RAB23: variants seen among roughly 807,000 people sequenced by gnomAD.
RAB23 encodes RAB23, member RAS oncogene family.
Under a neutral mutation model 30.0 loss-of-function variants are expected in RAB23, and 15 were observed. That is an observed-to-expected ratio of 0.50 (90% CI 0.33 to 0.77). The LOEUF is 0.77. Among genes scored for constraint, RAB23 ranks in the 30% least tolerant of loss-of-function variants. The probability of loss-of-function intolerance (pLI) is 0.02; values close to 1 mark genes in which losing one functional copy is unlikely to be tolerated. For missense variants in RAB23, 243 were observed against 275.4 expected (o/e 0.88, Z 0.83); for synonymous variants, 93 against 94.0 (o/e 0.99, Z 0.06).
In RAB23 at chr6:57,189,017, T is replaced by A. The variant is rs1312115110; in HGVS notation, c.*1444A>T. The A allele has an allele frequency of 6.6e-6, 1 of 152,190 alleles. No individual in the cohort carries two copies. Among genetic ancestry groups the A allele is most frequent in the East Asian group, 1.9e-4 (1 of 5,202 alleles). The allele number at this position is 152,190 out of a possible 1,614,324, so 9.4% of individuals were successfully genotyped here. A position where few individuals can be genotyped will look rare whatever the true frequency, so the allele number is the denominator to read the frequency against. Reference sequence around the variant, plus strand: ...TTCCAATAAAAGTTATTTTTACAGATTTTGCAATGCTGTAAAAACCAGGTA... The same window carrying A: ...TTCCAATAAAAGTTATTTTTACAGAATTTGCAATGCTGTAAAAACCAGGTA... On this transcript the variant is annotated 3_prime_UTR_variant, in exon 7 of 7. Transcript: ENST00000468148.
At chr6:57,190,832 T>C (rs1315218896) in intron 6 of RAB23, among the ~76,000 whole-genome samples, 1 of 152,134 alleles carries the variant, frequency 6.6e-6, no homozygotes, top group Admixed American at 6.5e-5. Context: ...CATAACTCTT[T>C]TCATCTTTAA....
intron 1 of RAB23, among the ~76,000 whole-genome samples, chr6:57,220,736 G>GT (rs892486960): frequency 7.2e-5 from 11 of 151,880 alleles, no homozygotes; most frequent in African/African-American, 2.7e-4. Context: ...ATCACATTAG[G>GT]TTTTTTTTCT....
chr6:57,190,741 A>T (rs1466593704), intron 6 of RAB23, 141 bp from the exon 7 acceptor site: 1 of 1,104,676 alleles, frequency 9.1e-7, no homozygotes, highest in Non-Finnish European at 1.4e-6. Context: ...AAAATTTAGC[A>T]TCTTAACCAT....
At chr6:57,217,623 T>C (rs1041992016) in intron 1 of RAB23, among the ~76,000 whole-genome samples, 7 of 152,116 alleles carry the variant, frequency 4.6e-5, no homozygotes, top group African/African-American at 7.2e-5. Flanking sequence ...TACGAAAATT[T>C]AGAGCGCTAA....
At chr6:57,206,683 A>G (rs1765466703) in intron 3 of RAB23, among the ~76,000 whole-genome samples, 1 of 152,186 alleles carries the variant, frequency 6.6e-6, no homozygotes, top group Non-Finnish European at 1.5e-5. Flanking sequence ...ACCTCTGCCG[A>G]ACAGCCTTTA....
At chr6:57,217,898 A>C (rs1282458290) in intron 1 of RAB23, among the ~76,000 whole-genome samples, 1 of 152,180 alleles carries the variant, frequency 6.6e-6, no homozygotes, top group Non-Finnish European at 1.5e-5. Context: ...CGGGAATAAA[A>C]TAGGGGATAG....
chr6:57,196,384 C>T, intron 4 of RAB23, 66 bp downstream of exon 4: 2 of 1,584,442 alleles, frequency 1.3e-6, no homozygotes, highest in Non-Finnish European at 1.7e-6. Flanking sequence ...TAAAACTATG[C>T]AAAAATTAAG....
intron 1 of RAB23, 89 bp from the exon 2 acceptor site, chr6:57,210,534 G>T: frequency 1.2e-6 from 1 of 836,320 alleles, no homozygotes; most frequent in Non-Finnish European, 1.9e-6. Flanking sequence ...ACATTGCATT[G>T]CAAGGATGTG....
At chr6:57,219,780 C>A (rs759089527) in intron 1 of RAB23, among the ~76,000 whole-genome samples, 35 of 152,188 alleles carry the variant, frequency 2.3e-4, no homozygotes, top group Non-Finnish European at 3.8e-4. Context: ...TAAACCTTCA[C>A]ACCTTATACA....
At chr6:57,200,634 T>C (rs78339056) in intron 3 of RAB23, among the ~76,000 whole-genome samples, 4,028 of 151,760 alleles carry the variant, frequency 0.027, 180 homozygotes, top group African/African-American at 0.093. Context: ...ATGAGGGTGC[T>C]ATCACCACCT....
intron 1 of RAB23, among the ~76,000 whole-genome samples, chr6:57,220,786 T>G (rs188675517): frequency 1.3e-5 from 2 of 152,100 alleles, no homozygotes; most frequent in African/African-American, 4.8e-5. Context: ...ATCCTTACTG[T>G]AGTGGTGGTT....
At chr6:57,195,585 G>A (rs996033895) in intron 4 of RAB23, among the ~76,000 whole-genome samples, 1 of 152,164 alleles carries the variant, frequency 6.6e-6, no homozygotes, top group Non-Finnish European at 1.5e-5. Flanking sequence ...AAACACTGTG[G>A]CTTCTGTCTT....
intron 1 of RAB23, among the ~76,000 whole-genome samples, chr6:57,218,838 A>G (rs1441230524): frequency 6.6e-6 from 1 of 150,490 alleles, no homozygotes; most frequent in Non-Finnish European, 1.5e-5. Context: ...TGGGTGACAG[A>G]GTGAGATTCT....
rs755645669 is a variant in RAB23, at chr6:57,188,627, C to T, written c.*1834G>A. The T allele has an allele frequency of 1.3e-5, 2 of 152,014 alleles. No homozygotes were observed. The highest frequency in any genetic ancestry group is 2.9e-5 in the Non-Finnish European group (2 of 68,002). 9.4% of individuals were successfully genotyped at this position (152,014 alleles called of 1,614,324 possible). On this transcript the variant is annotated 3_prime_UTR_variant, in exon 7 of 7. Coordinates refer to ENST00000468148, the MANE Select transcript of RAB23 (RefSeq NM_016277.5). ...GAGAGTAGAAAAGATGACTCATTAG[C>T]AGTATCCACTGTTTGTTAGGAACTG...
At chr6:57,196,353 T>G (rs1049610119) in intron 4 of RAB23, 97 bp downstream of exon 4, 15 of 1,407,986 alleles carry the variant, frequency 1.1e-5, no homozygotes, top group Non-Finnish European at 1.5e-5. Context: ...AATGAAAGTA[T>G]AGAATTTTTC....
intron 1 of RAB23, among the ~76,000 whole-genome samples, chr6:57,216,172 G>A (rs1340013068): frequency 6.6e-6 from 1 of 152,162 alleles, no homozygotes; most frequent in African/African-American, 2.4e-5. Flanking sequence ...GGAGCAATAA[G>A]CTCTAATAGC....
rs1230031437 is a variant in RAB23 at position 57,194,856 on chromosome 6, C to T, written c.399-4G>A. 1 of 1,610,182 alleles carries T rather than the reference C, an allele frequency of 6.2e-7. No individual in the cohort carries two copies. ...TGCCAGTGCCTCAGCTTCCTCACTG[C>T]ACATCAATTTAAAAAAAAATGCTTT... On this transcript the variant is annotated splice_region_variant and splice_polypyrimidine_tract_variant and intron_variant, in intron 4 of 6. Coordinates refer to ENST00000468148, the MANE Select transcript of RAB23 (RefSeq NM_016277.5).
chr6:57,217,291 A>G (rs1489377070), intron 1 of RAB23, among the ~76,000 whole-genome samples: 5 of 151,962 alleles, frequency 3.3e-5, no homozygotes, highest in African/African-American at 9.7e-5. Flanking sequence ...ATTAGTGCTG[A>G]AATGGGAAAA....
At chr6:57,209,622 A>G (rs1765574088) in intron 2 of RAB23, among the ~76,000 whole-genome samples, 1 of 152,218 alleles carries the variant, frequency 6.6e-6, no homozygotes, top group Non-Finnish European at 1.5e-5. Context: ...TGGGTAACAC[A>G]TTTTAGTTTG....
Sources: allele counts gnomAD v4.1 joint callset (sites outside exome capture counted in the v4.1 genomes callset), GRCh38; gene constraint gnomAD v4.1.1; transcripts MANE v1.5; gene names NCBI Gene and HGNC (gene_info 2026-07-23, HGNC 2026-07-21).